The following EPHB1 variants were observed in gnomAD, a reference collection of about 807,000 sequenced individuals.
The protein encoded by EPHB1 is EPH receptor B1, also known as ephrin type-B receptor 1.
In EPHB1, 30 loss-of-function variants were observed where a neutral mutation model predicts 94.4. The observed-to-expected ratio is 0.32, with a 90% confidence interval of 0.24 to 0.43. The LOEUF (loss-of-function observed/expected upper bound fraction) is 0.43. EPHB1 is among the 20% of genes least tolerant of loss of function. EPHB1 has a pLI of 1.00. For missense variants in EPHB1, 1,055 were observed against 1,308.3 expected, an observed-to-expected ratio of 0.81 and a Z score of 2.99; for synonymous variants, 522 against 489.1, an observed-to-expected ratio of 1.07 and a Z score of -0.89.
At chr3:134,948,752 C>G (rs1442912707) in intron 2 of EPHB1, among the ~76,000 whole-genome samples, 2 of 152,234 alleles carry the variant, frequency 1.3e-5, no homozygotes, top group East Asian at 3.8e-4. Flanking sequence ...ATGCGCCACT[C>G]CAGCGATGTG....
At chr3:135,099,519 A>G (rs1938953756) in intron 3 of EPHB1, among the ~76,000 whole-genome samples, 1 of 152,250 alleles carries the variant, frequency 6.6e-6, no homozygotes, top group African/African-American at 2.4e-5. Flanking sequence ...CTGGGAAAGC[A>G]AAGACTGCTT....
At chr3:135,018,828 T>C (rs1208884154) in intron 3 of EPHB1, among the ~76,000 whole-genome samples, 4 of 152,166 alleles carry the variant, frequency 2.6e-5, no homozygotes. Context: ...CTAACATGTT[T>C]TCAGTGGCTA....
chr3:135,054,912 T>C (rs1937302836), intron 3 of EPHB1, among the ~76,000 whole-genome samples: 1 of 152,234 alleles, frequency 6.6e-6, no homozygotes, highest in Non-Finnish European at 1.5e-5. Flanking sequence ...ACCTATGCTT[T>C]CATTTTTGTT....
At chr3:134,982,448 C>A (rs1934439864) in intron 3 of EPHB1, among the ~76,000 whole-genome samples, 1 of 152,134 alleles carries the variant, frequency 6.6e-6, no homozygotes. Flanking sequence ...GTGGTGTGTT[C>A]CTGCGTGAGA....
rs60727518 is a variant in EPHB1, at chr3:135,076,234, G to GATATATATATATATATATAT, written c.806-30206_806-30187dup. On this transcript the variant is annotated intron_variant, in intron 3 of 15. Coordinates refer to ENST00000398015, the MANE Select transcript of EPHB1 (RefSeq NM_004441.5). ...TTTGTATATCATTTATCTGAAAAGG[G>GATATATATATATATATATAT]ATATATATATATATATATATATATA... Among the ~76,000 whole-genome samples the GATATATATATATATATATAT allele has an allele frequency of 1.4e-4, 18 of 131,168 alleles. 1 individual carries two copies. Among genetic ancestry groups the GATATATATATATATATATAT allele is most frequent in the African/African-American group, 4.4e-4 (12 of 27,012 alleles). The allele number at this position is 131,168 out of a possible 152,430, so 86.1% of individuals were successfully genotyped here. A position where few individuals can be genotyped will look rare whatever the true frequency, so the allele number is the denominator to read the frequency against.
intron 12 of EPHB1, among the ~76,000 whole-genome samples, chr3:135,229,002 CCA>C (rs1013043962): frequency 6.6e-6 from 1 of 152,224 alleles, no homozygotes; most frequent in African/African-American, 2.4e-5. Context: ...CCTCTCCTGT[CCA>C]GTTCCCAGTG....
intron 11 of EPHB1, among the ~76,000 whole-genome samples, chr3:135,201,251 T>G (rs960458575): frequency 2.6e-5 from 4 of 151,526 alleles, no homozygotes. Context: ...TGAATGGGTT[T>G]GAGATGTAAT....
At chr3:134,801,788 G>A (rs1041269730) in intron 1 of EPHB1, among the ~76,000 whole-genome samples, 2 of 152,170 alleles carry the variant, frequency 1.3e-5, no homozygotes, top group African/African-American at 4.8e-5. Context: ...ATGCTTGGGT[G>A]GGGGGCATTG....
At chr3:135,047,820 G>A (rs998091300) in intron 3 of EPHB1, among the ~76,000 whole-genome samples, 4 of 152,066 alleles carry the variant, frequency 2.6e-5, no homozygotes, top group African/African-American at 7.2e-5. Context: ...AGACATTTTG[G>A]TTGTCAAAAC....
chr3:135,074,496 CTTT>C (rs1204877803), intron 3 of EPHB1, among the ~76,000 whole-genome samples: 1 of 152,166 alleles, frequency 6.6e-6, no homozygotes, highest in Admixed American at 6.5e-5. Context: ...TACCCTAGGA[CTTT>C]TACTGAATGA....
At chr3:134,976,113 A>C (rs1309144357) in intron 3 of EPHB1, among the ~76,000 whole-genome samples, 1 of 151,998 alleles carries the variant, frequency 6.6e-6, no homozygotes, top group East Asian at 1.9e-4. Flanking sequence ...GTTAGTTGTC[A>C]CCAGGTCAGA....
chr3:134,899,357 T>A (rs1057503375), intron 1 of EPHB1, among the ~76,000 whole-genome samples: 1 of 152,094 alleles, frequency 6.6e-6, no homozygotes, highest in African/African-American at 2.4e-5. Context: ...ACTCTCCTCA[T>A]TGCACAAAGA....
At chr3:134,825,798 C>T (rs1474451260) in intron 1 of EPHB1, among the ~76,000 whole-genome samples, 5 of 152,152 alleles carry the variant, frequency 3.3e-5, no homozygotes, top group African/African-American at 1.2e-4. Flanking sequence ...CATCCTTTCA[C>T]GATCCTTTTC....
rs77686213 is a variant in EPHB1, at chr3:135,220,431, A to G, written c.2346+18742A>G. ...GGAAAGGAAGGTTCTCAGCGAAAAG[A>G]TCCATGTCGACTTCTAATATTGCTC... On this transcript the variant is annotated intron_variant, in intron 12 of 15. Transcript: ENST00000398015. Among the ~76,000 whole-genome samples the G allele has an allele frequency of 4.7e-3, 713 of 152,238 alleles. 9 individuals carry two copies. Among genetic ancestry groups the G allele is most frequent in the African/African-American group, 0.016 (677 of 41,542 alleles).
intron 4 of EPHB1, among the ~76,000 whole-genome samples, chr3:135,115,678 C>A (rs1193261775): frequency 6.6e-6 from 1 of 152,138 alleles, no homozygotes; most frequent in African/African-American, 2.4e-5. Context: ...AGGGTTGACT[C>A]TCAGCTCCAC....
intron 1 of EPHB1, among the ~76,000 whole-genome samples, chr3:134,902,753 G>A (rs563507709): frequency 3.5e-4 from 53 of 152,184 alleles, no homozygotes; most frequent in African/African-American, 9.4e-4. Flanking sequence ...TTAGCTCTTC[G>A]TGTGGCTGAT....
chr3:135,162,276 T>C lies in EPHB1; in HGVS notation c.1585+96T>C, dbSNP rs1159053143. On this transcript the variant is annotated intron_variant, in intron 7 of 15. Coordinates refer to ENST00000398015, the MANE Select transcript of EPHB1 (RefSeq NM_004441.5). ...GCTGCACTAGCCAAAAATGCTGATC[T>C]CCAACTGGATTCCAGTGGAATTCCC... is the stretch of plus-strand genomic sequence containing the variant. The C allele has an allele frequency of 2.3e-6, 3 of 1,330,272 alleles. No individual in the cohort carries two copies. In the East Asian group the frequency reaches 7.9e-5, roughly 35 times the overall value. 82.4% of individuals were successfully genotyped at this position (1,330,272 alleles called of 1,614,324 possible). A position where few individuals can be genotyped will look rare whatever the true frequency, so the allele number is the denominator to read the frequency against.
chr3:135,169,130 C>G (rs1941735733), intron 9 of EPHB1, among the ~76,000 whole-genome samples: 1 of 152,132 alleles, frequency 6.6e-6, no homozygotes, highest in African/African-American at 2.4e-5. Flanking sequence ...AAAATGCTCA[C>G]AGCTACCTTT....
chr3:134,900,991 G>A (rs976287730), intron 1 of EPHB1, among the ~76,000 whole-genome samples: 3 of 152,034 alleles, frequency 2.0e-5, no homozygotes, highest in African/African-American at 7.2e-5. Context: ...AAAATTAGGG[G>A]ACTCTAAGAA....
Sources: allele counts gnomAD v4.1 joint callset (sites outside exome capture counted in the v4.1 genomes callset), GRCh38; gene constraint gnomAD v4.1.1; transcripts MANE v1.5; gene names NCBI Gene and HGNC (gene_info 2026-07-23, HGNC 2026-07-21).